EIF3J: variants seen among roughly 807,000 people sequenced by gnomAD.
EIF3J encodes eukaryotic translation initiation factor 3, subunit 1 (alpha, 35kD).
In EIF3J, 15 loss-of-function variants were observed where a neutral mutation model predicts 39.0. The ratio of observed to expected loss-of-function variants is 0.38; its 90% CI spans 0.26 to 0.59. EIF3J has a LOEUF of 0.59. Ranked by LOEUF, EIF3J falls within the 20% of genes least tolerant of loss-of-function variation. EIF3J has a pLI of 0.60. For missense variants in EIF3J, 226 were observed against 308.6 expected (o/e 0.73, Z 2.00); for synonymous variants, 98 against 112.9 (o/e 0.87, Z 0.84).
Position 44,554,754 on chromosome 15 carries a change from A to T in EIF3J, c.409+87A>T, listed in dbSNP as rs1329695613. 1.2e-5 allele frequency: 9 copies of T among 756,090 alleles called. No individual in the cohort carries two copies. In the East Asian group the frequency reaches 2.2e-4, roughly 19 times the overall value. The allele number at this position is 756,090 out of a possible 1,614,324, so 46.8% of individuals were successfully genotyped here. A position where few individuals can be genotyped will look rare whatever the true frequency, so the allele number is the denominator to read the frequency against. ...TCAGAAAACATCTCCTTTTCTTAAAAGAAACATACTGGCTAATGTAGATAT... is the reference window on the plus strand; with the variant it reads ...TCAGAAAACATCTCCTTTTCTTAAATGAAACATACTGGCTAATGTAGATAT... On this transcript the variant is annotated intron_variant, in intron 5 of 7. Coordinates refer to ENST00000261868, the MANE Select transcript of EIF3J (RefSeq NM_003758.4).
intron 4 of EIF3J, among the ~76,000 whole-genome samples, chr15:44,552,684 T>G (rs1163845446): frequency 2.0e-5 from 3 of 151,972 alleles, no homozygotes; most frequent in African/African-American, 7.3e-5. Context: ...GCCTCAGTCT[T>G]CGAGTAGCTG....
intron 2 of EIF3J, among the ~76,000 whole-genome samples, chr15:44,547,605 C>T (rs570666703): frequency 6.6e-6 from 1 of 151,956 alleles, no homozygotes; most frequent in Non-Finnish European, 1.5e-5. Context: ...TCTGCCACCA[C>T]GCCCAGCTAA....
At chr15:44,553,194 A>G (rs1180800152) in intron 4 of EIF3J, among the ~76,000 whole-genome samples, 2 of 151,470 alleles carry the variant, frequency 1.3e-5, no homozygotes, top group Non-Finnish European at 2.9e-5. Context: ...TCAAAACAAA[A>G]AAAAAAAGAA....
chr15:44,557,952 T>C (rs2082158864), intron 6 of EIF3J: 2 of 172,654 alleles, frequency 1.2e-5, no homozygotes, highest in African/African-American at 2.4e-5. Flanking sequence ...TGATTATCAC[T>C]TGAGAGGGGC....
intron 5 of EIF3J, among the ~76,000 whole-genome samples, chr15:44,555,639 G>T (rs1369740041): frequency 1.3e-5 from 2 of 152,186 alleles, no homozygotes; most frequent in African/African-American, 4.8e-5. Flanking sequence ...AGCTGCCCAT[G>T]TGTTTATTAA....
At chr15:44,551,350 A>G in intron 3 of EIF3J, 81 bp from the exon 4 acceptor site, 1 of 881,616 alleles carries the variant, frequency 1.1e-6, no homozygotes, top group South Asian at 1.8e-5. Flanking sequence ...GTCTCTTAAT[A>G]GTATACAAGT....
At chr15:44,554,701 A>AT in intron 5 of EIF3J, 34 bp downstream of exon 5, 4 of 1,422,382 alleles carry the variant, frequency 2.8e-6, no homozygotes, top group Non-Finnish European at 3.9e-6. Flanking sequence ...TACAGTATTA[A>AT]ACTGTTACAG....
At chr15:44,560,046 C>T (rs149462649) in intron 6 of EIF3J, among the ~76,000 whole-genome samples, 362 of 152,240 alleles carry the variant, frequency 2.4e-3, no homozygotes, top group Non-Finnish European at 3.4e-3. Context: ...CCACTGTGCC[C>T]GGCCACCTTA....
intron 2 of EIF3J, among the ~76,000 whole-genome samples, chr15:44,544,107 T>TTC (rs1398144358): frequency 6.7e-6 from 1 of 149,304 alleles, no homozygotes; most frequent in Non-Finnish European, 1.5e-5. Flanking sequence ...TCTTTTTTTT[T>TTC]TTTTTAGACG....
At chr15:44,550,004 G>C (rs2082086289) in intron 2 of EIF3J, among the ~76,000 whole-genome samples, 1 of 151,656 alleles carries the variant, frequency 6.6e-6, no homozygotes, top group Admixed American at 6.6e-5. Context: ...TTGTTGGGAT[G>C]CATAGCAATT....
rs147270437 is a variant in EIF3J, at chr15:44,543,676, T to G, written c.147+6249T>G. Among the ~76,000 whole-genome samples, 907 of 152,280 alleles carry G rather than the reference T, an allele frequency of 6.0e-3. 25 individuals are homozygous for G. The East Asian group carries it at 0.087, about 15-fold the overall frequency. ...ATCTGCCTGCCTTGGCCTCCCAAAG[T>G]GCTGGGATTACAGGCATGAGTCACC... On this transcript the variant is annotated intron_variant, in intron 2 of 7. Coordinates refer to ENST00000261868, the MANE Select transcript of EIF3J (RefSeq NM_003758.4).
intron 2 of EIF3J, 47 bp from the exon 3 acceptor site, chr15:44,550,829 A>T: frequency 7.3e-7 from 1 of 1,373,800 alleles, no homozygotes; most frequent in Non-Finnish European, 1.0e-6. Flanking sequence ...AAGTTCACAT[A>T]GAAAAGCAAA....
At chr15:44,554,401 CTAAAG>C (rs940271433) in intron 4 of EIF3J, 147 bp from the exon 5 acceptor site, 5 of 136,252 alleles carry the variant, frequency 3.7e-5, no homozygotes, top group Non-Finnish European at 6.0e-5. Flanking sequence ...AAAAAAAAAA[CTAAAG>C]TGTTTAGAAG....
At chr15:44,557,985 A>G (rs2082159047) in intron 6 of EIF3J, 1 of 157,360 alleles carries the variant, frequency 6.4e-6, no homozygotes, top group African/African-American at 2.4e-5. Context: ...TTTGAGGGAA[A>G]AGGTCTCTGG....
intron 2 of EIF3J, among the ~76,000 whole-genome samples, chr15:44,549,534 C>T (rs989651488): frequency 3.0e-4 from 45 of 152,198 alleles, no homozygotes; most frequent in Non-Finnish European, 2.6e-4. Context: ...CTTCGGGAAG[C>T]CGAGGCGGGC....
At chr15:44,544,680 G>GC in intron 2 of EIF3J, among the ~76,000 whole-genome samples, 1 of 142,134 alleles carries the variant, frequency 7.0e-6, no homozygotes, top group East Asian at 2.1e-4. Flanking sequence ...CTCCAGCCTG[G>GC]GCAATAAGAG....
At chr15:44,544,745 C>G (rs555636664) in intron 2 of EIF3J, among the ~76,000 whole-genome samples, 2 of 146,988 alleles carry the variant, frequency 1.4e-5, no homozygotes, top group Non-Finnish European at 3.0e-5. Flanking sequence ...GCCAGGCACG[C>G]CTGTAATCCC....
At chr15:44,560,195 CT>C (rs1430481427) in intron 6 of EIF3J, 53 bp from the exon 7 acceptor site, 2 of 1,499,228 alleles carry the variant, frequency 1.3e-6, no homozygotes, top group African/African-American at 1.4e-5. Flanking sequence ...TTAGCTTTAA[CT>C]TTTCAAAATG....
chr15:44,537,555 T>A, intron 2 of EIF3J, 128 bp downstream of exon 2: 1 of 966,430 alleles, frequency 1.0e-6, no homozygotes. Flanking sequence ...GGCCTGGCGG[T>A]GCTCTCTTCC....
Sources: gnomAD v4.1 joint callset for allele counts (sites outside exome capture counted in the v4.1 genomes callset) on GRCh38, gnomAD v4.1.1 for gene constraint, MANE v1.5 for transcripts, NCBI Gene and HGNC (gene_info 2026-07-23, HGNC 2026-07-21) for gene names.